Variants in NBEAL1 observed in about 807,000 individuals in gnomAD.
The protein encoded by NBEAL1 is neurobeachin like 1, also known as neurobeachin-like protein 1.
In NBEAL1, 273 loss-of-function variants were observed where a neutral mutation model predicts 351.3. That is an observed-to-expected ratio of 0.78 (90% CI 0.70 to 0.86). NBEAL1 has a LOEUF of 0.86. NBEAL1 is among the 40% of genes least tolerant of loss of function. NBEAL1 has a pLI of 0.00. For synonymous variants in NBEAL1, 1,050 were observed against 1,086.4 expected (o/e 0.97, Z 0.66); for missense variants, 2,961 against 3,201.3 (o/e 0.92, Z 1.81).
At chr2:203,113,608 C>T (rs759913608) in intron 17 of NBEAL1, among the ~76,000 whole-genome samples, 1 of 152,002 alleles carries the variant, frequency 6.6e-6, no homozygotes, top group Non-Finnish European at 1.5e-5. Context: ...AGCAAAATAC[C>T]ACAGACTGGG....
chr2:203,107,393 T>C (rs1160616939), intron 12 of NBEAL1, 27 bp from the exon 13 acceptor site: 1 of 1,162,124 alleles, frequency 8.6e-7, no homozygotes, highest in Admixed American at 2.4e-5. Context: ...AAAATGTACT[T>C]TGATATATTG....
At chr2:203,151,930 T>G (rs931915576) in intron 35 of NBEAL1, among the ~76,000 whole-genome samples, 1 of 152,134 alleles carries the variant, frequency 6.6e-6, no homozygotes, top group Non-Finnish European at 1.5e-5. Flanking sequence ...TAATGTTAGA[T>G]AGAATTCTTA....
In NBEAL1 at chr2:203,217,539, T is replaced by TA; in HGVS notation, c.*186dup. 2 of 1,196,598 alleles carry TA rather than the reference T, an allele frequency of 1.7e-6. No individual in the cohort carries two copies. The highest frequency in any genetic ancestry group is 1.6e-5 in the African/African-American group (1 of 63,730). The allele number at this position is 1,196,598 out of a possible 1,614,324, so 74.1% of individuals were successfully genotyped here. On this transcript the variant is annotated 3_prime_UTR_variant, in exon 56 of 56. Transcript: ENST00000683969. ...CTATACTAAGATGTATTTGAGAAAA[T>TA]ACATTTGATTTGATTTTGTGGCCCA... is the stretch of plus-strand genomic sequence containing the variant.
chr2:203,207,780 G>A (rs1056045648), intron 51 of NBEAL1, among the ~76,000 whole-genome samples: 2 of 152,212 alleles, frequency 1.3e-5, no homozygotes, highest in African/African-American at 4.8e-5. Flanking sequence ...CACTGCGGAA[G>A]GCCGCAGGGT....
In NBEAL1 at chr2:203,224,477, CAT is replaced by C. The variant is rs2065987269; in HGVS notation, c.*7126_*7127del. ...TCTACTGAGGCATAAAAATATGAAA[CAT>C]ATTTAATTCATCTCTTTTGTCAGTT... On this transcript the variant is annotated 3_prime_UTR_variant, in exon 56 of 56. Coordinates refer to ENST00000683969, the MANE Select transcript of NBEAL1 (RefSeq NM_001378026.1). Among the ~76,000 whole-genome samples, 2 of 152,050 alleles carry C rather than the reference CAT, an allele frequency of 1.3e-5. No individual in the cohort carries two copies. Among genetic ancestry groups the C allele is most frequent in the South Asian group, 2.1e-4 (1 of 4,830 alleles).
chr2:203,202,776 C>A lies in NBEAL1; in HGVS notation c.7501C>A (p.Gln2501Lys), dbSNP rs1218201567. ...DTTCMIWQIT[Q>K]QGGVPVGLAS... ...TACATGTATGATATGGCAAATAACA[C>A]AACAGGTAGTCACACATTTAAATGT... The change falls in exon 51 of 56, where the codon CAA (glutamine) becomes AAA (lysine). Residue 2501 changes from glutamine (Q) to lysine (K), a missense_variant. Physicochemically the swap from Gln to Lys is moderately conservative, Grantham distance 53. Transcript: ENST00000683969. The A allele has an allele frequency of 1.3e-6, 2 of 1,539,332 alleles. No homozygotes were observed. The highest frequency in any genetic ancestry group is 1.8e-6 in the Non-Finnish European group (2 of 1,113,348).
At position 203,126,495 on chromosome 2, in the gene NBEAL1, TTA is replaced by T. The variant is rs1418806395; in HGVS notation, c.2986-59_2986-58del. ...AGATGTTCTGATTAATGATTTAAAA[TTA>T]TAACTTAATGACAGTTATTTAAACT... On this transcript the variant is annotated intron_variant, in intron 21 of 55. Coordinates refer to ENST00000683969, the MANE Select transcript of NBEAL1 (RefSeq NM_001378026.1). 11 of 1,202,412 alleles carry T rather than the reference TTA, an allele frequency of 9.1e-6. No individual in the cohort carries two copies. In the African/African-American group the frequency reaches 1.7e-4, roughly 19 times the overall value. The allele number at this position is 1,202,412 out of a possible 1,614,324, so 74.5% of individuals were successfully genotyped here.
intron 3 of NBEAL1, among the ~76,000 whole-genome samples, chr2:203,043,645 A>G (rs35953789): frequency 0.024 from 3,600 of 151,316 alleles, 59 homozygotes; most frequent in East Asian, 0.072. Context: ...GGGAGGATCA[A>G]TTTGGCCCAG....
intron 2 of NBEAL1, among the ~76,000 whole-genome samples, chr2:203,034,779 A>G (rs1240799203): frequency 1.3e-5 from 2 of 148,910 alleles, no homozygotes; most frequent in Non-Finnish European, 3.0e-5. Flanking sequence ...AACATTTTAA[A>G]TAGTTGCTAG....
Position 203,107,588 on chromosome 2 carries a change from T to C in NBEAL1, c.1369-20T>C. The C allele has an allele frequency of 6.5e-7, 1 of 1,548,032 alleles. No individual in the cohort carries two copies. Among genetic ancestry groups the C allele is most frequent in the South Asian group, 1.2e-5 (1 of 83,684 alleles). ...TTTGAAAATGATAACTAACCTTTTA[T>C]CTTTTATGTTGCTTTTCAGGCTGTA... On this transcript the variant is annotated intron_variant, in intron 13 of 55. Coordinates refer to ENST00000683969, the MANE Select transcript of NBEAL1 (RefSeq NM_001378026.1).
At chr2:203,130,826 A>C (rs2063055709) in intron 25 of NBEAL1, among the ~76,000 whole-genome samples, 2 of 152,162 alleles carry the variant, frequency 1.3e-5, no homozygotes, top group South Asian at 4.1e-4. Flanking sequence ...GGAACTAAGT[A>C]CTTTTCATAT....
intron 12 of NBEAL1, among the ~76,000 whole-genome samples, chr2:203,100,598 G>C (rs943700088): frequency 2.7e-5 from 4 of 148,862 alleles, no homozygotes; most frequent in Non-Finnish European, 5.9e-5. Flanking sequence ...CCAAGCTGGA[G>C]TGCAGTAGCA....
chr2:203,198,769 C>T (rs1302183455), intron 48 of NBEAL1, among the ~76,000 whole-genome samples: 1 of 150,292 alleles, frequency 6.7e-6, no homozygotes, highest in East Asian at 2.0e-4. Context: ...AGGCTGAGGT[C>T]AGAGGATTGC....
intron 54 of NBEAL1, among the ~76,000 whole-genome samples, chr2:203,213,059 G>A (rs1213149662): frequency 1.3e-5 from 2 of 152,136 alleles, no homozygotes; most frequent in African/African-American, 4.8e-5. Flanking sequence ...CTGTCTAACT[G>A]TTGTGTTCCT....
chr2:203,027,979 G>A (rs1363024210), intron 2 of NBEAL1, among the ~76,000 whole-genome samples: 1 of 152,004 alleles, frequency 6.6e-6, no homozygotes, highest in Non-Finnish European at 1.5e-5. Flanking sequence ...CGCCTCTGGG[G>A]TTCAAACAAT....
chr2:203,124,272 G>A (rs768864886), intron 19 of NBEAL1, among the ~76,000 whole-genome samples: 1 of 152,198 alleles, frequency 6.6e-6, no homozygotes, highest in Admixed American at 6.5e-5. Flanking sequence ...GGTCGAGACT[G>A]CAGTGAGCCG....
intron 10 of NBEAL1, among the ~76,000 whole-genome samples, chr2:203,087,196 G>C (rs1023288457): frequency 6.7e-6 from 1 of 148,462 alleles, no homozygotes; most frequent in African/African-American, 2.5e-5. Flanking sequence ...GGGTTCAAGC[G>C]ATTTTCCTGC....
Position 203,126,722 on chromosome 2 carries a change from A to C in NBEAL1, c.3145+6A>C. ...AGATTTTCCCTTTCGAATCGGTGAG[A>C]GCAGGCTTTCAGATAAACATTTTAT... On this transcript the variant is annotated splice_donor_region_variant and intron_variant, in intron 22 of 55. Coordinates refer to ENST00000683969, the MANE Select transcript of NBEAL1 (RefSeq NM_001378026.1). The C allele has an allele frequency of 6.6e-7, 1 of 1,514,662 alleles. No individual in the cohort carries two copies. The highest frequency in any genetic ancestry group is 2.5e-5 in the East Asian group (1 of 40,706). 93.8% of individuals were successfully genotyped at this position (1,514,662 alleles called of 1,614,324 possible).
At chr2:203,153,447 T>C (rs2063716282) in intron 35 of NBEAL1, among the ~76,000 whole-genome samples, 1 of 151,902 alleles carries the variant, frequency 6.6e-6, no homozygotes, top group Non-Finnish European at 1.5e-5. Flanking sequence ...GCTGGCCAGA[T>C]CTTATTTTTT....
Sources: gnomAD v4.1 joint callset for allele counts (sites outside exome capture counted in the v4.1 genomes callset) on GRCh38, gnomAD v4.1.1 for gene constraint, MANE v1.5 for transcripts, NCBI Gene and HGNC (gene_info 2026-07-23, HGNC 2026-07-21) for gene names.